Variants in DPP6 observed in about 807,000 individuals in gnomAD.
DPP6 encodes the protein dipeptidyl peptidase like 6, also known as A-type potassium channel modulatory protein DPP6.
In DPP6, 69 loss-of-function variants were observed where a neutral mutation model predicts 122.6. That is an observed-to-expected ratio of 0.56 (90% confidence interval 0.46 to 0.69). The LOEUF is 0.69. DPP6 is among the 30% of genes least tolerant of loss of function. The pLI, the probability that DPP6 is intolerant of heterozygous loss-of-function variation, is 0.00. For missense variants in DPP6, 928 were observed against 1,116.9 expected (o/e 0.83, Z 2.41); for synonymous variants, 418 against 433.1 (o/e 0.97, Z 0.43).
At chr7:154,885,571 G>A in intron 21 of DPP6, 62 bp from the exon 22 acceptor site, 1 of 1,537,866 alleles carries the variant, frequency 6.5e-7, no homozygotes, top group South Asian at 1.2e-5. Flanking sequence ...CCCTGCCCGA[G>A]GCTGCTTCAT....
At chr7:154,818,723 G>A (rs140955132) in intron 16 of DPP6, among the ~76,000 whole-genome samples, 2 of 152,304 alleles carry the variant, frequency 1.3e-5, no homozygotes, top group East Asian at 1.9e-4. Flanking sequence ...CCAAGTGAAT[G>A]TTTAGAACCG....
At chr7:154,135,768 G>T (rs1795521276) in intron 1 of DPP6, among the ~76,000 whole-genome samples, 1 of 148,814 alleles carries the variant, frequency 6.7e-6, no homozygotes, top group Non-Finnish European at 1.5e-5. Flanking sequence ...TGCACTTCCT[G>T]TGACTGTACA....
At chr7:154,716,251 C>T (rs1386097079) in intron 7 of DPP6, among the ~76,000 whole-genome samples, 1 of 152,142 alleles carries the variant, frequency 6.6e-6, no homozygotes, top group Non-Finnish European at 1.5e-5. Context: ...AAATGAAGCC[C>T]CAACTTCCCT....
intron 1 of DPP6, among the ~76,000 whole-genome samples, chr7:154,384,216 T>C (rs1340521808): frequency 6.6e-6 from 1 of 152,178 alleles, no homozygotes; most frequent in Admixed American, 6.5e-5. Flanking sequence ...CCTCCAGTAA[T>C]GAGGAAGGTG....
intron 1 of DPP6, among the ~76,000 whole-genome samples, chr7:154,124,394 G>T (rs1179283510): frequency 6.6e-6 from 1 of 152,132 alleles, no homozygotes; most frequent in Non-Finnish European, 1.5e-5. Flanking sequence ...AGAGGCTGGA[G>T]AGGGGCAGGG....
intron 2 of DPP6, 60 bp from the exon 3 acceptor site, chr7:154,474,879 G>T (rs548744762): frequency 1.6e-6 from 2 of 1,287,748 alleles, no homozygotes; most frequent in Admixed American, 1.7e-5. Context: ...AATGTTTATG[G>T]TCCTCTCATT....
intron 1 of DPP6, among the ~76,000 whole-genome samples, chr7:154,269,455 C>G (rs1385825163): frequency 6.6e-6 from 1 of 152,182 alleles, no homozygotes; most frequent in Non-Finnish European, 1.5e-5. Flanking sequence ...TTGTCCTGCC[C>G]TTCTCCTGGG....
chr7:154,453,140 G>A (rs539120067), intron 2 of DPP6, among the ~76,000 whole-genome samples: 4 of 152,256 alleles, frequency 2.6e-5, no homozygotes, highest in South Asian at 2.1e-4. Flanking sequence ...CGTGGGGGTC[G>A]GAAACTCCAG....
chr7:154,110,629 T>C (rs1806504918), intron 1 of DPP6, among the ~76,000 whole-genome samples: 1 of 152,084 alleles, frequency 6.6e-6, no homozygotes, highest in South Asian at 2.1e-4. Context: ...ATGGAGGCTT[T>C]GGCAATGTTG....
chr7:154,674,713 T>C (rs1838780945), intron 7 of DPP6, among the ~76,000 whole-genome samples: 1 of 152,106 alleles, frequency 6.6e-6, no homozygotes, highest in Non-Finnish European at 1.5e-5. Context: ...AGCGTCAAAA[T>C]GTGACAGATG....
Position 154,421,589 on chromosome 7 carries a change from G to A in DPP6, c.244-24625G>A, listed in dbSNP as rs1448510887. 7.9e-5 allele frequency among the ~76,000 whole-genome samples: 12 copies of A among 152,298 alleles called. No individual in the cohort carries two copies. The East Asian group carries it at 1.9e-3, about 25-fold the overall frequency. Reference sequence around the variant, plus strand: ...TCTGCCCACCTCGGCCTCCCAAAACGCTGGGATTACGGGCATGAGCCACTG... The same window carrying A: ...TCTGCCCACCTCGGCCTCCCAAAACACTGGGATTACGGGCATGAGCCACTG... On this transcript the variant is annotated intron_variant, in intron 1 of 25. Transcript: ENST00000377770.
the DPP6 span, among the ~76,000 whole-genome samples, chr7:153,860,016 C>T: frequency 1.3e-3 from 198 of 152,216 alleles, 3 homozygotes; most frequent in African/African-American, 4.2e-3. Flanking sequence ...CACTAAGGTT[C>T]GCTTAACTAA....
chr7:154,002,490 G>A (rs1008653908), intron 1 of DPP6, among the ~76,000 whole-genome samples: 4 of 152,264 alleles, frequency 2.6e-5, no homozygotes, highest in African/African-American at 7.2e-5. Context: ...ATTATTGTAC[G>A]GGGTCAGTCG....
intron 1 of DPP6, among the ~76,000 whole-genome samples, chr7:154,060,727 A>ACCCC (rs1251236874): frequency 1.6e-4 from 13 of 80,916 alleles, no homozygotes; most frequent in African/African-American, 6.4e-4. Context: ...GGGGGGAGGC[A>ACCCC]CCCCCCGCGA....
At chr7:154,223,313 T>G (rs1042444258) in intron 1 of DPP6, among the ~76,000 whole-genome samples, 2 of 149,494 alleles carry the variant, frequency 1.3e-5, no homozygotes, top group Non-Finnish European at 2.9e-5. Flanking sequence ...CATTCATCCA[T>G]TAACACGTTT....
At chr7:154,496,843 G>A (rs1289424246) in intron 3 of DPP6, among the ~76,000 whole-genome samples, 2 of 152,174 alleles carry the variant, frequency 1.3e-5, no homozygotes, top group African/African-American at 2.4e-5. Context: ...GACTGGTGTA[G>A]CTCAATCTTC....
intron 1 of DPP6, among the ~76,000 whole-genome samples, chr7:154,438,478 A>T (rs1360859050): frequency 7.7e-6 from 1 of 129,600 alleles, no homozygotes; most frequent in Non-Finnish European, 1.6e-5. Context: ...TCAAAAAAAA[A>T]AAAAAAAAAA....
At chr7:154,477,728 C>T (rs10278985) in intron 3 of DPP6, among the ~76,000 whole-genome samples, 56,958 of 152,034 alleles carry the variant, frequency 0.37, 11,373 homozygotes, top group African/African-American at 0.49. Flanking sequence ...AGTTAATACA[C>T]GCAATTGAGA....
chr7:154,055,388 A>G (rs1171764037), intron 1 of DPP6, among the ~76,000 whole-genome samples: 1 of 149,290 alleles, frequency 6.7e-6, no homozygotes, highest in East Asian at 1.9e-4. Context: ...ACTAAAAGAT[A>G]GATGAACATA....
Sources: gnomAD v4.1 joint callset for allele counts (sites outside exome capture counted in the v4.1 genomes callset) on GRCh38, gnomAD v4.1.1 for gene constraint, MANE v1.5 for transcripts, NCBI Gene and HGNC (gene_info 2026-07-23, HGNC 2026-07-21) for gene names.